Variants in PHLDB3 observed in about 807,000 individuals in gnomAD.
The protein encoded by PHLDB3 is pleckstrin homology-like domain family B member 3.
PHLDB3 carries 86 observed loss-of-function variants against 85.7 expected under a neutral mutation model. The ratio of observed to expected loss-of-function variants is 1.00; its 90% confidence interval spans 0.84 to 1.20. PHLDB3 has a LOEUF of 1.20. Ranked by LOEUF, PHLDB3 falls within the 50% of genes most tolerant of loss-of-function variation. The pLI is 0.00. For missense variants in PHLDB3, 995 were observed against 873.0 expected, an observed-to-expected ratio of 1.14 and a Z score of -1.76; for synonymous variants, 376 against 349.8, an observed-to-expected ratio of 1.07 and a Z score of -0.83.
At chr19:43,495,881 G>A (rs1971445905) in intron 6 of PHLDB3, 2 of 433,250 alleles carry the variant, frequency 4.6e-6, no homozygotes, top group Non-Finnish European at 4.1e-6. Flanking sequence ...AGACAGAGAT[G>A]TAGACAAAGA....
In PHLDB3 at chr19:43,475,276, C is replaced by T. The variant is rs1480765943; in HGVS notation, c.*134G>A. 2 of 1,269,740 alleles carry T rather than the reference C, an allele frequency of 1.6e-6. No individual in the cohort carries two copies. Among genetic ancestry groups the T allele is most frequent in the African/African-American group, 1.5e-5 (1 of 66,360 alleles). The allele number at this position is 1,269,740 out of a possible 1,614,324, so 78.7% of individuals were successfully genotyped here. ...GCAGCTCAGGCCAGCTGAACTGCCGCGCCTGCGGAATTCCCGGGAGAGTTC... is the reference window on the plus strand; with the variant it reads ...GCAGCTCAGGCCAGCTGAACTGCCGTGCCTGCGGAATTCCCGGGAGAGTTC... On this transcript the variant is annotated 3_prime_UTR_variant, in exon 16 of 16. Coordinates refer to ENST00000292140, the MANE Select transcript of PHLDB3 (RefSeq NM_198850.4).
At chr19:43,486,411 G>T in intron 12 of PHLDB3, 89 bp from the exon 13 acceptor site, 1 of 1,374,320 alleles carries the variant, frequency 7.3e-7, no homozygotes. Flanking sequence ...TCTGTTCTGA[G>T]GGTACAGGGA....
At chr19:43,483,866 C>G (rs1403790945) in intron 13 of PHLDB3, among the ~76,000 whole-genome samples, 1 of 152,148 alleles carries the variant, frequency 6.6e-6, no homozygotes, top group Non-Finnish European at 1.5e-5. Flanking sequence ...CATGATGGTT[C>G]AGGCCTATAA....
At position 43,481,618 on chromosome 19, in the gene PHLDB3, C is replaced by CA. The variant is rs541504702; in HGVS notation, c.1486-2026dup. ...TGGCAACAAGAGCGAAACTCCATCT[C>CA]AAAAAAAAAATACAAAAATACAAAC... On this transcript the variant is annotated intron_variant, in intron 13 of 15. Transcript: ENST00000292140. 4.9e-3 allele frequency among the ~76,000 whole-genome samples: 717 copies of CA among 146,036 alleles called. 3 individuals are homozygous for CA. Among genetic ancestry groups the CA allele is most frequent in the South Asian group, 0.032 (150 of 4,622 alleles).
At chr19:43,480,388 G>A (rs1008603328) in intron 13 of PHLDB3, among the ~76,000 whole-genome samples, 2 of 151,362 alleles carry the variant, frequency 1.3e-5, no homozygotes, top group Non-Finnish European at 2.9e-5. Flanking sequence ...GCTATGAGTT[G>A]GAGACCAGCC....
At position 43,479,545 on chromosome 19, in the gene PHLDB3, G is replaced by A. The variant is rs536006268; in HGVS notation, c.1534C>T (p.Arg512Trp). Residue 512 changes from arginine to tryptophan, a missense_variant, in exon 14 of 16, where the codon CGG (arginine) becomes TGG (tryptophan). Transcript: ENST00000292140. ...TGGCCCCATCCCTCCAGATGCTGCC[G>A]GAGATCCAAGATTCGCGGGCCTGGA... ...HPPGPRILDL[R>W]QHLEGWGHNP... is the part of the protein sequence containing the mutation. 138 of 1,408,414 alleles carry A rather than the reference G, an allele frequency of 9.8e-5. 1 individual carries two copies. The highest frequency in any genetic ancestry group is 2.2e-4 in the Admixed American group (10 of 46,376). The allele number at this position is 1,408,414 out of a possible 1,614,324, so 87.2% of individuals were successfully genotyped here.
chr19:43,484,297 A>T (rs554104863), intron 13 of PHLDB3, among the ~76,000 whole-genome samples: 1 of 151,726 alleles, frequency 6.6e-6, no homozygotes, highest in Admixed American at 6.6e-5. Context: ...ATAAATTTTT[A>T]AAAACATATT....
At chr19:43,490,640 T>A (rs1971292483) in intron 9 of PHLDB3, among the ~76,000 whole-genome samples, 1 of 152,116 alleles carries the variant, frequency 6.6e-6, no homozygotes, top group Admixed American at 6.6e-5. Flanking sequence ...GAGGCTCAAA[T>A]CCCCGTGCTT....
intron 13 of PHLDB3, among the ~76,000 whole-genome samples, chr19:43,484,683 G>T (rs1439519592): frequency 1.3e-5 from 2 of 152,192 alleles, no homozygotes; most frequent in East Asian, 1.9e-4. Flanking sequence ...CTGCACTCTA[G>T]CCTGGGCGAC....
chr19:43,493,280 G>GAATAAATAAATAAATAAATAAATA (rs57954351), intron 9 of PHLDB3, among the ~76,000 whole-genome samples: 7 of 133,806 alleles, frequency 5.2e-5, no homozygotes, highest in East Asian at 2.2e-4. Flanking sequence ...CTCTGTCTCA[G>GAATAAATAAATAAATAAATAAATA]AATAAATAAA....
At chr19:43,487,003 G>A in intron 10 of PHLDB3, 21 bp downstream of exon 10, 1 of 1,518,290 alleles carries the variant, frequency 6.6e-7, no homozygotes, top group Non-Finnish European at 8.8e-7. Flanking sequence ...GGAAGGAAGT[G>A]GGGAACAGGG....
At chr19:43,503,826 C>G in intron 2 of PHLDB3, 80 bp downstream of exon 2, 1 of 1,539,758 alleles carries the variant, frequency 6.5e-7, no homozygotes, top group Non-Finnish European at 8.9e-7. Context: ...TGGTTTCCCT[C>G]TACCTGTCTA....
chr19:43,497,281 T>C lies in PHLDB3; in HGVS notation c.664-2A>G, dbSNP rs1205992568. On this transcript the variant is annotated splice_acceptor_variant, in intron 5 of 15. Transcript: ENST00000292140. LOFTEE classifies it high-confidence loss of function. ...GGCCACATCCAGTTGTTCCCTCATC[T>C]ATAGGTCGGAACACAAAAAGGGTGG... 2.1e-6 allele frequency: 3 copies of C among 1,437,850 alleles called. No homozygotes were observed. Among genetic ancestry groups the C allele is most frequent in the Admixed American group, 2.7e-5 (1 of 37,278 alleles). The allele number at this position is 1,437,850 out of a possible 1,614,324, so 89.1% of individuals were successfully genotyped here. A position where few individuals can be genotyped will look rare whatever the true frequency, so the allele number is the denominator to read the frequency against.
chr19:43,480,126 A>G (rs1971012803), intron 13 of PHLDB3, among the ~76,000 whole-genome samples: 1 of 151,402 alleles, frequency 6.6e-6, no homozygotes, highest in African/African-American at 2.4e-5. Context: ...TTTTTTTTGG[A>G]AAAAAGAAAT....
At chr19:43,479,866 C>T (rs1303890720) in intron 13 of PHLDB3, among the ~76,000 whole-genome samples, 1 of 152,028 alleles carries the variant, frequency 6.6e-6, no homozygotes, top group African/African-American at 2.4e-5. Context: ...AGAGAGATGA[C>T]ATAATGCACC....
At chr19:43,490,422 G>A (rs915167759) in intron 9 of PHLDB3, among the ~76,000 whole-genome samples, 2 of 151,880 alleles carry the variant, frequency 1.3e-5, no homozygotes, top group South Asian at 4.2e-4. Context: ...TTAGCCTGGC[G>A]CATGTCTGTA....
rs1192556654 is a variant in PHLDB3 at position 43,502,227 on chromosome 19, C to T, written c.270G>A (p.Ser90=). ...GCGCCGCCCCTCGCACCCCTTCCCG[C>T]GAAGAGGTGGATGCGGGAGGTGTGG... ...MAATPPASTS[S]REGVRGAARR... Residue 90 remains serine (S), a synonymous_variant, in exon 3 of 16, where the codon TCG becomes TCA. Transcript: ENST00000292140. 6.4e-7 allele frequency: 1 copy of T among 1,564,046 alleles called. No homozygotes were observed.
At chr19:43,504,270 C>A (rs1270769075) in intron 1 of PHLDB3, 138 bp from the exon 2 acceptor site, 2 of 791,822 alleles carry the variant, frequency 2.5e-6, no homozygotes, top group African/African-American at 3.5e-5. Flanking sequence ...CTGAGCGTTA[C>A]GGAGGCGTGT....
chr19:43,480,775 A>C (rs1599933379), intron 13 of PHLDB3, among the ~76,000 whole-genome samples: 1 of 152,140 alleles, frequency 6.6e-6, no homozygotes, highest in South Asian at 2.1e-4. Flanking sequence ...AGGTTAAGTC[A>C]CTCGGCACAA....
Sources: gnomAD v4.1 joint callset for allele counts (sites outside exome capture counted in the v4.1 genomes callset) on GRCh38, gnomAD v4.1.1 for gene constraint, MANE v1.5 for transcripts, NCBI Gene and HGNC (gene_info 2026-07-23, HGNC 2026-07-21) for gene names.